BRF1: variants seen among roughly 807,000 people sequenced by gnomAD.
The protein encoded by BRF1 is BRF1 general transcription factor IIIB subunit.
In BRF1, 59 loss-of-function variants were observed where a neutral mutation model predicts 81.7. That is an observed-to-expected ratio of 0.72 (90% CI 0.59 to 0.90). The LOEUF is 0.90. Ranked by LOEUF, BRF1 falls within the 40% of genes least tolerant of loss-of-function variation. The pLI is 0.00. For missense variants in BRF1, 1,050 were observed against 936.3 expected, an observed-to-expected ratio of 1.12 and a Z score of -1.58; for synonymous variants, 491 against 395.6, an observed-to-expected ratio of 1.24 and a Z score of -2.86.
At chr14:105,226,927 A>ATTTGG in intron 7 of BRF1, 167 bp from the exon 8 acceptor site, 4 of 861,696 alleles carry the variant, frequency 4.6e-6, no homozygotes, top group Non-Finnish European at 7.0e-6. Context: ...TAGGCAACAC[A>ATTTGG]GTGAGACTCT....
rs775463298 is a variant in BRF1 at position 105,221,906 on chromosome 14, C to T, written c.1057G>A (p.Glu353Lys). ...CCACACAAGCTGGACGCGGTGTCCT[C>T]GGTGGAGCCTAGGTGTACACAATCC... ...LASLAKDGST[E>K]DTASSLCGEE... Residue 353 changes from glutamate (E) to lysine (K), a missense_variant, in exon 11 of 18, where the codon GAG becomes AAG. Coordinates refer to ENST00000547530, the MANE Select transcript of BRF1 (RefSeq NM_001519.4). 14 of 1,591,484 alleles carry T rather than the reference C, an allele frequency of 8.8e-6. No individual in the cohort carries two copies. In the East Asian group the frequency reaches 1.6e-4, roughly 18 times the overall value.
At chr14:105,292,059 C>T (rs587717323) in intron 1 of BRF1, among the ~76,000 whole-genome samples, 4 of 152,304 alleles carry the variant, frequency 2.6e-5, no homozygotes, top group South Asian at 2.1e-4. Flanking sequence ...GGCACCATCA[C>T]GGCTCACTGC....
rs1312586231 is a variant in BRF1, at chr14:105,271,355, C to T, written c.439+1366G>A. ...GCAAGGAGCTGAAGCCCCGCAGCTGCACAGCAAGGGCCAGGAGCCAGAGGG... is the reference window on the plus strand; with the variant it reads ...GCAAGGAGCTGAAGCCCCGCAGCTGTACAGCAAGGGCCAGGAGCCAGAGGG... On this transcript the variant is annotated intron_variant, in intron 3 of 17. Coordinates refer to ENST00000547530, the MANE Select transcript of BRF1 (RefSeq NM_001519.4). This position sits in a 1 kb window ranked among gnomAD's most constrained non-coding sequence, Gnocchi z 5.5. Among the ~76,000 whole-genome samples, 1 of 152,242 alleles carries T rather than the reference C, an allele frequency of 6.6e-6. No individual in the cohort carries two copies. Among genetic ancestry groups the T allele is most frequent in the Non-Finnish European group, 1.5e-5 (1 of 68,048 alleles).
Position 105,300,584 on chromosome 14 carries a change from G to C in BRF1, c.46C>G (p.Leu16Val). 4.1e-6 allele frequency: 6 copies of C among 1,470,208 alleles called. No individual in the cohort carries two copies. Among genetic ancestry groups the C allele is most frequent in the Non-Finnish European group, 5.4e-6 (6 of 1,114,226 alleles). 91.1% of individuals were successfully genotyped at this position (1,470,208 alleles called of 1,614,324 possible). A position where few individuals can be genotyped will look rare whatever the true frequency, so the allele number is the denominator to read the frequency against. The change falls in exon 1 of 18, where the codon CTG (leucine) becomes GTG (valine). Residue 16 changes from leucine (L) to valine (V), a missense_variant. Leu to Val is a conservative substitution (Grantham distance 32). Around this residue, in one of 2 missense-constraint regions of BRF1, gnomAD observed 1,043 missense variants for 915.4 expected, o/e 1.14. Transcript: ENST00000547530. Reference sequence around the variant, plus strand: ...ACCGCGTCCCCGCGCGCCGCGTCCAGCTCGATGTCCGTGCCGCCGCAACCG... The same window carrying C: ...ACCGCGTCCCCGCGCGCCGCGTCCACCTCGATGTCCGTGCCGCCGCAACCG... Reference protein sequence around the residue: ...CRGCGGTDIELDAARGDAVCT... With the variant: ...CRGCGGTDIEVDAARGDAVCT...
rs769396533 is a variant in BRF1, at chr14:105,228,856, C to G, written c.752G>C (p.Ser251Thr). 67 of 1,613,836 alleles carry G rather than the reference C, an allele frequency of 4.2e-5. No individual in the cohort carries two copies. The highest frequency in any genetic ancestry group is 1.6e-4 in the Middle Eastern group (1 of 6,082). The change falls in exon 7 of 18, where the codon AGT (serine) becomes ACT (threonine). Residue 251 changes from serine (S) to threonine (T), a missense_variant. Physicochemically the swap from Ser to Thr is moderately conservative, Grantham distance 58. Transcript: ENST00000547530. ...CGTGGACTCACACACTTTGACCACA[C>G]TGATGACCTCCTTCACAGTCCTCCT... ...DFRRTVKEVI[S>T]VVKVCESTLR...
rs587774029 is a variant in BRF1, at chr14:105,291,982, G to A, written c.185-5606C>T. Among the ~76,000 whole-genome samples, 18 of 152,026 alleles carry A rather than the reference G, an allele frequency of 1.2e-4. No homozygotes were observed. The East Asian group carries it at 2.9e-3, about 25-fold the overall frequency. ...CATTGCACTCCAGCCTGGGCAACAA[G>A]AGAGACACTCCATCTCAAAAAGAAA... On this transcript the variant is annotated intron_variant, in intron 1 of 17. Transcript: ENST00000547530.
At chr14:105,250,500 T>G in intron 5 of BRF1, 1 of 1,613,992 alleles carries the variant, frequency 6.2e-7, no homozygotes, top group Non-Finnish European at 8.5e-7. Context: ...CAAGACACCT[T>G]CTACACGGCC....
intron 6 of BRF1, among the ~76,000 whole-genome samples, chr14:105,240,859 G>C (rs1414149162): frequency 1.5e-5 from 2 of 136,324 alleles, no homozygotes; most frequent in Non-Finnish European, 3.2e-5. Flanking sequence ...GCCCAGCTGG[G>C]GGCGGGGGAC....
At chr14:105,295,329 T>C (rs1453005017) in intron 1 of BRF1, among the ~76,000 whole-genome samples, 1 of 129,204 alleles carries the variant, frequency 7.7e-6, no homozygotes, top group African/African-American at 3.2e-5. Flanking sequence ...AAAAAAAAAA[T>C]TGGCGTTGGC....
At chr14:105,229,460 G>A (rs1006259128) in intron 6 of BRF1, among the ~76,000 whole-genome samples, 1 of 152,208 alleles carries the variant, frequency 6.6e-6, no homozygotes, top group African/African-American at 2.4e-5. Flanking sequence ...TGGGCACGAG[G>A]GTAAGGGCCC....
chr14:105,275,996 T>C (rs2056868400), intron 2 of BRF1, among the ~76,000 whole-genome samples: 1 of 98,216 alleles, frequency 1.0e-5, no homozygotes, highest in Non-Finnish European at 2.0e-5. Flanking sequence ...ACTAGAGAGC[T>C]GGGGAGGAGG....
At chr14:105,249,615 CT>C in intron 5 of BRF1, 1 of 1,593,056 alleles carries the variant, frequency 6.3e-7, no homozygotes, top group Non-Finnish European at 8.6e-7. Flanking sequence ...GAGCCAGCCC[CT>C]GACGCGGGCC....
chr14:105,273,378 G>A (rs891804584), intron 2 of BRF1, among the ~76,000 whole-genome samples: 3 of 152,160 alleles, frequency 2.0e-5, no homozygotes, highest in African/African-American at 4.8e-5. Flanking sequence ...CCCTGCGCCC[G>A]CCAGCCTCTC....
At chr14:105,218,814 G>T (rs1274792037) in intron 14 of BRF1, among the ~76,000 whole-genome samples, 184 bp downstream of exon 14, 1 of 152,232 alleles carries the variant, frequency 6.6e-6, no homozygotes, top group Non-Finnish European at 1.5e-5. Context: ...GGCGCCTGTG[G>T]CCAGCACGGG....
chr14:105,279,065 T>C (rs2056963104), intron 2 of BRF1, among the ~76,000 whole-genome samples: 1 of 150,774 alleles, frequency 6.6e-6, no homozygotes, highest in African/African-American at 2.4e-5. Context: ...TAAAAATGAG[T>C]GGATGTGGTG....
intron 5 of BRF1, chr14:105,247,509 G>C: frequency 1.0e-6 from 1 of 985,346 alleles, no homozygotes; most frequent in Non-Finnish European, 1.2e-6. Context: ...CCATCCTGGA[G>C]AGTCCTTTGT....
At chr14:105,221,604 C>A (rs780837136) in intron 11 of BRF1, 44 bp downstream of exon 11, 5 of 1,579,150 alleles carry the variant, frequency 3.2e-6, no homozygotes, top group Admixed American at 2.0e-5. Flanking sequence ...CCTGAAAGAT[C>A]TCCCGATGAC....
At chr14:105,251,310 A>C (rs1044845625) in intron 5 of BRF1, among the ~76,000 whole-genome samples, 3 of 152,132 alleles carry the variant, frequency 2.0e-5, no homozygotes, top group African/African-American at 7.2e-5. Context: ...GGTTGTCTCT[A>C]TGTCCTAATG....
intron 15 of BRF1, chr14:105,217,336 C>T (rs1425240443): frequency 2.6e-6 from 2 of 756,918 alleles, no homozygotes; most frequent in Non-Finnish European, 4.2e-6. Context: ...ACCCGCCCGT[C>T]CGCTCACAGC....
Sources: allele counts gnomAD v4.1 joint callset (sites outside exome capture counted in the v4.1 genomes callset), GRCh38; gene constraint gnomAD v4.1.1; regional missense constraint gnomAD v4.1.1; non-coding constraint Gnocchi (gnomAD v3.1); transcripts MANE v1.5; gene names NCBI Gene and HGNC (gene_info 2026-07-23, HGNC 2026-07-21).